RASSF8: variants seen among roughly 807,000 people sequenced by gnomAD.
RASSF8 encodes Ras association domain family member 8.
RASSF8 carries 22 observed loss-of-function variants against 48.5 expected under a neutral mutation model. The ratio of observed to expected loss-of-function variants is 0.45; its 90% CI spans 0.32 to 0.65. The LOEUF (loss-of-function observed/expected upper bound fraction) is 0.65, where lower values mean the gene tolerates loss of function less well. Among genes scored for constraint, RASSF8 ranks in the 30% least tolerant of loss-of-function variants. The probability of loss-of-function intolerance (pLI) is 0.03; values close to 1 mark genes in which losing one functional copy is unlikely to be tolerated. For missense variants in RASSF8, 418 were observed against 489.2 expected (o/e 0.85, Z 1.37); for synonymous variants, 127 against 171.5 (o/e 0.74, Z 2.03).
rs562033206 is a variant in RASSF8, at chr12:26,054,232, GT to G, written c.-108-997del. Among the ~76,000 whole-genome samples the G allele has an allele frequency of 1.8e-3, 274 of 152,228 alleles. 2 individuals carry two copies. The highest frequency in any genetic ancestry group is 6.3e-3 in the African/African-American group (260 of 41,542). ...AGAATTTACATAGGAAGAGTTGAGA[GT>G]TTTTTTAAACCCACAGGAAAAAGAA... On this transcript the variant is annotated intron_variant, in intron 2 of 5. Transcript: ENST00000689635.
chr12:26,007,255 C>T (rs1942414258), intron 2 of RASSF8, among the ~76,000 whole-genome samples: 1 of 152,114 alleles, frequency 6.6e-6, no homozygotes, highest in South Asian at 2.1e-4. Flanking sequence ...CCCACTGCCA[C>T]ACTGGGGATC....
Position 26,039,573 on chromosome 12 carries a change from GA to G in RASSF8, c.-108-15655del, listed in dbSNP as rs937866013. ...ATCAACACTATTTGAATTTTTCAGA[GA>G]AAAAAAACCCAGAAGGTGTTATCTC... On this transcript the variant is annotated intron_variant, in intron 2 of 5. Coordinates refer to ENST00000689635, the MANE Select transcript of RASSF8 (RefSeq NM_001394098.1). Among the ~76,000 whole-genome samples, 94 of 151,866 alleles carry G rather than the reference GA, an allele frequency of 6.2e-4. 1 individual carries two copies. Among genetic ancestry groups the G allele is most frequent in the Non-Finnish European group, 2.8e-4 (19 of 67,940 alleles).
rs570179748 is a variant in RASSF8 at position 26,053,910 on chromosome 12, A to T, written c.-108-1326A>T. ...TCTCCTTCCCCTTGCATGTGTTCTGACTTACCTATCCAGGTGACCAGATGG... is the reference window on the plus strand; with the variant it reads ...TCTCCTTCCCCTTGCATGTGTTCTGTCTTACCTATCCAGGTGACCAGATGG... On this transcript the variant is annotated intron_variant, in intron 2 of 5. Transcript: ENST00000689635. Among the ~76,000 whole-genome samples the T allele has an allele frequency of 9.8e-5, 15 of 152,350 alleles. No homozygotes were observed. The South Asian group carries it at 3.1e-3, about 32-fold the overall frequency.
Position 26,064,620 on chromosome 12 carries a change from A to G in RASSF8, c.226A>G (p.Ile76Val). 1.2e-6 allele frequency: 2 copies of G among 1,614,194 alleles called. No individual in the cohort carries two copies. The highest frequency in any genetic ancestry group is 1.1e-5 in the South Asian group (1 of 91,080). ...GCAGTATGCTAGTGATGTGCAGCTC[A>G]TTCTACGACGAACTGGGCCGTCTCT... ...WGQYASDVQL[I>V]LRRTGPSLSE... is the part of the protein sequence containing the mutation. The change falls in exon 4 of 6, where the codon ATT becomes GTT. Residue 76 changes from isoleucine (I) to valine (V), a missense_variant. Transcript: ENST00000689635.
chr12:25,993,418 A>G (rs1942060007), intron 1 of RASSF8, among the ~76,000 whole-genome samples: 1 of 152,228 alleles, frequency 6.6e-6, no homozygotes, highest in Admixed American at 6.5e-5. Flanking sequence ...TGAAAACACA[A>G]CTAAAAAGAG....
downstream of RASSF8, among the ~76,000 whole-genome samples, chr12:26,074,394 C>T (rs1480320417): frequency 9.9e-5 from 15 of 152,010 alleles, no homozygotes; most frequent in African/African-American, 2.7e-4. Context: ...CCAGGCTGGA[C>T]GGCAATGGCC....
chr12:26,075,353 T>C (rs544135558), downstream of RASSF8, among the ~76,000 whole-genome samples: 18 of 152,320 alleles, frequency 1.2e-4, 1 homozygote, highest in South Asian at 3.5e-3. Flanking sequence ...ACATGGAGAA[T>C]AGAATATGTA....
Position 26,072,227 on chromosome 12 carries a change from TTTGTA to T in RASSF8, c.*3414_*3418del, listed in dbSNP as rs2137346036. The T allele has an allele frequency of 6.2e-6, 6 of 972,168 alleles. No individual in the cohort carries two copies. In the East Asian group the frequency reaches 3.4e-4, roughly 56 times the overall value. The allele number at this position is 972,168 out of a possible 1,614,324, so 60.2% of individuals were successfully genotyped here. On this transcript the variant is annotated 3_prime_UTR_variant, in exon 6 of 6. Transcript: ENST00000689635. ...TTAAAATTAGCTTATAATTATTACT[TTTGTA>T]TTGTGTTCAGTTTTTTAAGTTGCAT...
chr12:26,022,815 C>T (rs543621598), intron 2 of RASSF8, among the ~76,000 whole-genome samples: 98 of 152,142 alleles, frequency 6.4e-4, no homozygotes, highest in Middle Eastern at 3.4e-3. Context: ...GATCTCGGCT[C>T]ACTGCAACTT....
intron 1 of RASSF8, among the ~76,000 whole-genome samples, chr12:25,974,309 C>A (rs1259828913): frequency 6.6e-6 from 1 of 152,104 alleles, no homozygotes; most frequent in Non-Finnish European, 1.5e-5. Context: ...AGAAGTGCCA[C>A]AGCTAATCTG....
intron 3 of RASSF8, among the ~76,000 whole-genome samples, chr12:26,058,525 C>T (rs933127040): frequency 3.2e-4 from 20 of 61,910 alleles, no homozygotes; most frequent in African/African-American, 8.3e-4. Context: ...TACACACATG[C>T]GCACGCGCGC....
chr12:25,959,846 A>G (rs1367953997), intron 1 of RASSF8: 1 of 152,210 alleles, frequency 6.6e-6, no homozygotes, highest in African/African-American at 2.4e-5. Flanking sequence ...TTTTAGCATC[A>G]TAGAGCCGCC....
At chr12:26,042,573 G>A (rs562060352) in intron 2 of RASSF8, among the ~76,000 whole-genome samples, 7 of 152,088 alleles carry the variant, frequency 4.6e-5, no homozygotes, top group African/African-American at 1.7e-4. Context: ...AAGTGATAAG[G>A]TGTTAAGAAA....
rs3741544 is a variant in RASSF8 at position 25,958,990 on chromosome 12, G to A, written c.-361G>A. 25,641 of 146,854 alleles carry A rather than the reference G, an allele frequency of 0.17. 2,318 individuals carry two copies. The highest frequency in any genetic ancestry group is 0.23 in the East Asian group (1,162 of 5,004). 9.1% of individuals were successfully genotyped at this position (146,854 alleles called of 1,614,324 possible). A position where few individuals can be genotyped will look rare whatever the true frequency, so the allele number is the denominator to read the frequency against. On this transcript the variant is annotated 5_prime_UTR_variant, in exon 1 of 6. Coordinates refer to ENST00000689635, the MANE Select transcript of RASSF8 (RefSeq NM_001394098.1). ...CGCCGGGGGGCCGGGGCCTCCAGCC[G>A]GTGCGGGGCGCGCGGCGCGGGGAGC...
At chr12:25,991,756 A>G (rs1328892257) in intron 1 of RASSF8, among the ~76,000 whole-genome samples, 1 of 152,158 alleles carries the variant, frequency 6.6e-6, no homozygotes, top group Non-Finnish European at 1.5e-5. Flanking sequence ...TCATTCCACA[A>G]TATCCTGTTG....
chr12:26,018,571 T>G (rs1280079056), intron 2 of RASSF8, among the ~76,000 whole-genome samples: 1 of 152,154 alleles, frequency 6.6e-6, no homozygotes, highest in East Asian at 1.9e-4. Flanking sequence ...GAAACAACAC[T>G]TACAACTTGG....
At chr12:25,963,672 C>T (rs1213889259) in intron 1 of RASSF8, among the ~76,000 whole-genome samples, 1 of 152,104 alleles carries the variant, frequency 6.6e-6, no homozygotes, top group African/African-American at 2.4e-5. Flanking sequence ...TGCAGTCCAC[C>T]TCGGGGGTTC....
At chr12:26,049,092 C>A (rs79725579) in intron 2 of RASSF8, among the ~76,000 whole-genome samples, 5,865 of 152,270 alleles carry the variant, frequency 0.039, 531 homozygotes, top group East Asian at 0.27. Context: ...GTGTTCTGGG[C>A]TTAAAATCCC....
chr12:25,999,886 A>C (rs1199101464), intron 2 of RASSF8, among the ~76,000 whole-genome samples: 3 of 152,230 alleles, frequency 2.0e-5, no homozygotes, highest in African/African-American at 7.2e-5. Flanking sequence ...CTCGGTAAGA[A>C]ATGCAATTGG....
Sources: gnomAD v4.1 joint callset for allele counts (sites outside exome capture counted in the v4.1 genomes callset) on GRCh38, gnomAD v4.1.1 for gene constraint, MANE v1.5 for transcripts, NCBI Gene and HGNC (gene_info 2026-07-23, HGNC 2026-07-21) for gene names.